SEMA5A: variants seen among roughly 807,000 people sequenced by gnomAD.
SEMA5A encodes semaphorin-5A.
SEMA5A carries 55 observed loss-of-function variants against 135.5 expected under a neutral mutation model. The observed-to-expected ratio is 0.41, with a 90% confidence interval of 0.33 to 0.51. The LOEUF (loss-of-function observed/expected upper bound fraction) is 0.51, where lower values mean the gene tolerates loss of function less well. Ranked by LOEUF, SEMA5A falls within the 20% of genes least tolerant of loss-of-function variation. The probability of loss-of-function intolerance (pLI) is 0.37; values close to 1 mark genes in which losing one functional copy is unlikely to be tolerated. For missense variants in SEMA5A, 1,290 were observed against 1,419.9 expected, an observed-to-expected ratio of 0.91 and a Z score of 1.47; for synonymous variants, 580 against 546.5, an observed-to-expected ratio of 1.06 and a Z score of -0.85.
chr5:9,135,461 A>T (rs1443127587), intron 13 of SEMA5A, among the ~76,000 whole-genome samples: 1 of 151,942 alleles, frequency 6.6e-6, no homozygotes, highest in Non-Finnish European at 1.5e-5. Flanking sequence ...GATTACAGGC[A>T]TGAGCCACCG....
chr5:9,055,701 A>T (rs1463844580), intron 18 of SEMA5A, among the ~76,000 whole-genome samples: 1 of 152,178 alleles, frequency 6.6e-6, no homozygotes, highest in East Asian at 1.9e-4. Flanking sequence ...ATAAGTTTGC[A>T]ATCTAACTGG....
intron 4 of SEMA5A, among the ~76,000 whole-genome samples, chr5:9,322,843 C>G (rs988799963): frequency 6.6e-6 from 1 of 151,734 alleles, no homozygotes; most frequent in African/African-American, 2.4e-5. Flanking sequence ...TGCACACACA[C>G]AGAAACAAAC....
intron 16 of SEMA5A, among the ~76,000 whole-genome samples, chr5:9,069,709 C>A (rs1737670251): frequency 6.6e-6 from 1 of 152,076 alleles, no homozygotes; most frequent in Admixed American, 6.6e-5. Context: ...GGCATTCCTC[C>A]CGGCCTGCAT....
Position 9,042,767 on chromosome 5 carries a change from ACT to A in SEMA5A, c.*128_*129del. The A allele has an allele frequency of 2.7e-6, 3 of 1,104,510 alleles. No individual in the cohort carries two copies. The highest frequency in any genetic ancestry group is 4.0e-6 in the Non-Finnish European group (3 of 758,174). 68.4% of individuals were successfully genotyped at this position (1,104,510 alleles called of 1,614,324 possible). A position where few individuals can be genotyped will look rare whatever the true frequency, so the allele number is the denominator to read the frequency against. Reference sequence around the variant, plus strand: ...CGTGTATTTTTGGCAGCAATGGGACACTCTGGTGGCTTGAAATGCACTTGAAA... The same window carrying A: ...CGTGTATTTTTGGCAGCAATGGGACACTGGTGGCTTGAAATGCACTTGAAA... On this transcript the variant is annotated 3_prime_UTR_variant, in exon 23 of 23. Transcript: ENST00000382496.
chr5:9,368,994 A>ATGCATCATCATCC (rs1755024928), intron 3 of SEMA5A, among the ~76,000 whole-genome samples: 1 of 152,354 alleles, frequency 6.6e-6, no homozygotes, highest in South Asian at 2.1e-4. Context: ...CTGAATCATT[A>ATGCATCATCATCC]TGCATCATCA....
intron 11 of SEMA5A, among the ~76,000 whole-genome samples, chr5:9,167,439 G>T (rs1385314052): frequency 2.0e-5 from 3 of 152,062 alleles, no homozygotes; most frequent in Admixed American, 6.6e-5. Context: ...TGAATCCACT[G>T]GCTAGGATGG....
chr5:9,490,208 C>T (rs1020970460), intron 1 of SEMA5A, among the ~76,000 whole-genome samples: 4 of 152,042 alleles, frequency 2.6e-5, no homozygotes, highest in African/African-American at 9.7e-5. Flanking sequence ...GCAATGGATG[C>T]AATTTGAGAA....
rs764028943 is a variant in SEMA5A, at chr5:9,043,025, T to C, written c.3106-9A>G. ...TTGTTTTTGTTAAATGCCTGGAAAA[T>C]ATATTAAAAAAAAACAGGTTTAAGA... On this transcript the variant is annotated splice_polypyrimidine_tract_variant and intron_variant, in intron 22 of 22. Coordinates refer to ENST00000382496, the MANE Select transcript of SEMA5A (RefSeq NM_003966.3). 6.8e-7 allele frequency: 1 copy of C among 1,478,954 alleles called. No homozygotes were observed. Among genetic ancestry groups the C allele is most frequent in the Admixed American group, 2.3e-5 (1 of 44,182 alleles). 91.6% of individuals were successfully genotyped at this position (1,478,954 alleles called of 1,614,324 possible).
intron 8 of SEMA5A, among the ~76,000 whole-genome samples, chr5:9,215,370 G>A (rs1471711878): frequency 6.6e-6 from 1 of 151,792 alleles, no homozygotes; most frequent in Admixed American, 6.5e-5. Flanking sequence ...AAAAAAATAT[G>A]TTGAAGTCCC....
intron 5 of SEMA5A, among the ~76,000 whole-genome samples, chr5:9,283,385 G>A (rs1245018151): frequency 6.6e-6 from 1 of 152,098 alleles, no homozygotes; most frequent in Non-Finnish European, 1.5e-5. Flanking sequence ...ACTAGGGAAT[G>A]CCCACCCCTG....
At chr5:9,447,148 AC>A (rs1297637675) in intron 1 of SEMA5A, among the ~76,000 whole-genome samples, 3 of 152,236 alleles carry the variant, frequency 2.0e-5, no homozygotes, top group African/African-American at 7.2e-5. Context: ...CTAGCTACAC[AC>A]TCAGAAAAGA....
chr5:9,052,476 C>T (rs944002895), intron 19 of SEMA5A, among the ~76,000 whole-genome samples: 1 of 152,180 alleles, frequency 6.6e-6, no homozygotes, highest in African/African-American at 2.4e-5. Flanking sequence ...CCTCTGTGCT[C>T]AGGCGAGAGA....
intron 8 of SEMA5A, among the ~76,000 whole-genome samples, chr5:9,207,854 TA>T (rs1345825342): frequency 3.5e-5 from 2 of 56,436 alleles, no homozygotes; most frequent in East Asian, 6.0e-4. Context: ...CAGATGATGA[TA>T]GATAGATAGA....
At position 9,201,334 on chromosome 5, in the gene SEMA5A, G is replaced by A. The variant is rs1806106; in HGVS notation, c.932+621C>T. ...AAAACTTCATAAGCTTAAGACAGCC[G>A]AAATATTGTTCATTCTAAAGTTAGG... is the stretch of plus-strand genomic sequence containing the variant. On this transcript the variant is annotated intron_variant, in intron 9 of 22. Transcript: ENST00000382496. 6.0e-3 allele frequency among the ~76,000 whole-genome samples: 914 copies of A among 152,234 alleles called. 11 individuals are homozygous for A. Among genetic ancestry groups the A allele is most frequent in the African/African-American group, 0.021 (853 of 41,528 alleles).
intron 11 of SEMA5A, among the ~76,000 whole-genome samples, chr5:9,159,471 A>G (rs2619917): frequency 0.55 from 83,692 of 152,002 alleles, 25,801 homozygotes; most frequent in Middle Eastern, 0.76. Flanking sequence ...AATATCATTG[A>G]TCATCAGAGA....
chr5:9,064,809 G>T (rs1270876698), intron 17 of SEMA5A, among the ~76,000 whole-genome samples: 1 of 152,240 alleles, frequency 6.6e-6, no homozygotes, highest in Admixed American at 6.5e-5. Context: ...TTCCTGAAAA[G>T]GATTCATGGG....
chr5:9,163,106 TATC>T (rs1743383985), intron 11 of SEMA5A, among the ~76,000 whole-genome samples: 1 of 152,118 alleles, frequency 6.6e-6, no homozygotes, highest in Admixed American at 6.5e-5. Flanking sequence ...GTGCTTATCT[TATC>T]ATACCACTGA....
At chr5:9,420,359 T>C (rs1757422771) in intron 2 of SEMA5A, among the ~76,000 whole-genome samples, 1 of 152,170 alleles carries the variant, frequency 6.6e-6, no homozygotes, top group African/African-American at 2.4e-5. Context: ...CACAAAAGAA[T>C]TATGGTAGTT....
At chr5:9,154,062 A>AAAAAAAAATAT (rs1159261162) in intron 12 of SEMA5A, among the ~76,000 whole-genome samples, 1 of 68,294 alleles carries the variant, frequency 1.5e-5, no homozygotes, top group African/African-American at 4.7e-5. Context: ...AAAAAAAAAA[A>AAAAAAAAATAT]ATATATATAT....
Sources: allele counts gnomAD v4.1 joint callset (sites outside exome capture counted in the v4.1 genomes callset), GRCh38; gene constraint gnomAD v4.1.1; transcripts MANE v1.5; gene names NCBI Gene and HGNC (gene_info 2026-07-23, HGNC 2026-07-21).